The following BLCAP variants were observed in gnomAD, a reference collection of about 807,000 sequenced individuals.
BLCAP encodes the protein BLCAP apoptosis inducing factor, also known as apoptosis inducing factor BLCAP.
In BLCAP, 1 loss-of-function variant was observed where a neutral mutation model predicts 5.7. That is an observed-to-expected ratio of 0.18 (90% CI 0.06 to 0.83). The LOEUF is 0.83. Ranked by LOEUF, BLCAP falls within the 40% of genes least tolerant of loss-of-function variation. BLCAP has a pLI of 0.71. For missense variants in BLCAP, 66 were observed against 107.6 expected (o/e 0.61, Z 1.71); for synonymous variants, 48 against 49.4 (o/e 0.97, Z 0.11).
In BLCAP at chr20:37,521,295, CCT is replaced by C. The variant is rs748343748; in HGVS notation, c.-176-1947_-176-1946del. On this transcript the variant is annotated intron_variant, in intron 1 of 1. Transcript: ENST00000373537. This position sits in a 1 kb window ranked among gnomAD's most constrained non-coding sequence, Gnocchi z 4.5. ...CCGAGACCAGCGGATCTCGGCAAAC[CCT>C]CTTTCTCGACCACCCACCTACCATT... The C allele has an allele frequency of 1.2e-6, 2 of 1,609,224 alleles. No homozygotes were observed. The highest frequency in any genetic ancestry group is 1.1e-5 in the South Asian group (1 of 90,980).
rs2071579819 is a variant in BLCAP at position 37,521,649 on chromosome 20, C to CCGCTGCGGACGAT, written c.-176-2312_-176-2300dup. On this transcript the variant is annotated intron_variant, in intron 1 of 1. Coordinates refer to ENST00000373537, the MANE Select transcript of BLCAP (RefSeq NM_006698.4). This position sits in a 1 kb window ranked among gnomAD's most constrained non-coding sequence, Gnocchi z 4.5. Reference sequence around the variant, plus strand: ...CAAAGACTCGGGGCGCGGCGGGCGACCGCTGCGGACGATCACCCAGGCATT... The same window carrying CCGCTGCGGACGAT: ...CAAAGACTCGGGGCGCGGCGGGCGACCGCTGCGGACGATCGCTGCGGACGATCACCCAGGCATT... The CCGCTGCGGACGAT allele has an allele frequency of 1.9e-6, 1 of 517,928 alleles. No individual in the cohort carries two copies. The allele number at this position is 517,928 out of a possible 1,614,324, so 32.1% of individuals were successfully genotyped here. A position where few individuals can be genotyped will look rare whatever the true frequency, so the allele number is the denominator to read the frequency against.
At chr20:37,527,013 TC>T (rs2071733848) in intron 1 of BLCAP, 1 of 152,184 alleles carries the variant, frequency 6.6e-6, no homozygotes, top group African/African-American at 2.4e-5. Context: ...GCTGTTTCTT[TC>T]CGAGGACAGA....
Position 37,519,242 on chromosome 20 carries a change from C to A in BLCAP, c.-68G>T. 1 of 1,490,802 alleles carries A rather than the reference C, an allele frequency of 6.7e-7. No individual in the cohort carries two copies. Among genetic ancestry groups the A allele is most frequent in the Non-Finnish European group, 9.0e-7 (1 of 1,115,502 alleles). 92.3% of individuals were successfully genotyped at this position (1,490,802 alleles called of 1,614,324 possible). On this transcript the variant is annotated 5_prime_UTR_variant, in exon 2 of 2. Coordinates refer to ENST00000373537, the MANE Select transcript of BLCAP (RefSeq NM_006698.4). ...GCTGCAGGAACCGACCTAATGGGAG[C>A]CAGCGGGCGCAGGCGGCTGCCCTCC... is the stretch of plus-strand genomic sequence containing the variant.
rs182147935 is a variant in BLCAP at position 37,521,191 on chromosome 20, C to T, written c.-176-1841G>A. On this transcript the variant is annotated intron_variant, in intron 1 of 1. Transcript: ENST00000373537. The surrounding 1 kb of genome is among the most constrained non-coding windows in gnomAD (Gnocchi z 4.5). ...CCCTCCTCATAAACACCCCCCAAGG[C>T]GCGCATGCGCACTTAGGTGGCGGGC... 7.3e-4 allele frequency: 578 copies of T among 796,554 alleles called. 3 individuals carry two copies. The highest frequency in any genetic ancestry group is 5.7e-3 in the African/African-American group (336 of 58,910). The allele number at this position is 796,554 out of a possible 1,614,324, so 49.3% of individuals were successfully genotyped here. A position where few individuals can be genotyped will look rare whatever the true frequency, so the allele number is the denominator to read the frequency against.
chr20:37,519,596 TGGGGGATC>T (rs1451132423), intron 1 of BLCAP, among the ~76,000 whole-genome samples: 1 of 152,166 alleles, frequency 6.6e-6, no homozygotes, highest in Non-Finnish European at 1.5e-5. Flanking sequence ...GGGCTTCTCC[TGGGGGATC>T]GGGGAGAGGG....
chr20:37,522,907 G>A, intron 1 of BLCAP: 1 of 629,280 alleles, frequency 1.6e-6, no homozygotes, highest in Non-Finnish European at 2.7e-6. Context: ...GGGGCCAGTA[G>A]ACCCCCGGAG....
intron 1 of BLCAP, 82 bp downstream of exon 1, chr20:37,527,711 G>C (rs1195990513): frequency 6.6e-6 from 1 of 152,344 alleles, no homozygotes; most frequent in Non-Finnish European, 1.5e-5. Flanking sequence ...CGACGCCTAA[G>C]GTGACCCAGA....
chr20:37,523,269 G>A (rs1292077884), intron 1 of BLCAP: 1 of 153,084 alleles, frequency 6.5e-6, no homozygotes, highest in Non-Finnish European at 1.5e-5. Context: ...AAGAAATACA[G>A]TGGGGCCCTC....
At chr20:37,522,824 G>A in intron 1 of BLCAP, 14 of 1,442,768 alleles carry the variant, frequency 9.7e-6, no homozygotes, top group Non-Finnish European at 1.3e-5. Context: ...GGCCAGCACG[G>A]GAGCCAGTGC....
Position 37,522,503 on chromosome 20 carries a change from T to C in BLCAP, c.-176-3153A>G, listed in dbSNP as rs555484475. The stretch of plus-strand genomic sequence containing the variant: ...CAGCTCTCAGCACAGTTGGAAAAGC[T>C]CCAGCTGCCCTGACTCGTGGACAAG... On this transcript the variant is annotated intron_variant, in intron 1 of 1. Transcript: ENST00000373537. 1.3e-5 allele frequency: 20 copies of C among 1,516,386 alleles called. No homozygotes were observed. In the South Asian group the frequency reaches 2.0e-4, roughly 15 times the overall value. 93.9% of individuals were successfully genotyped at this position (1,516,386 alleles called of 1,614,324 possible).
Position 37,519,085 on chromosome 20 carries a change from G to A in BLCAP, c.90C>T (p.Gly30=). The A allele has an allele frequency of 6.2e-7, 1 of 1,614,068 alleles. No individual in the cohort carries two copies. Among genetic ancestry groups the A allele is most frequent in the Non-Finnish European group, 8.5e-7 (1 of 1,179,994 alleles). Residue 30 remains glycine, a synonymous_variant, in exon 2 of 2, where the codon GGC becomes GGT. Transcript: ENST00000373537. ...CCAGGAGGAAGCTGAGCAGGTAGAA[G>A]CCCATGAACATGGAGTGGCTGAACC... ...ALWFSHSMFM[G]FYLLSFLLER...
Position 37,521,213 on chromosome 20 carries a change from G to A in BLCAP, c.-176-1863C>T, listed in dbSNP as rs2071555058. The A allele has an allele frequency of 1.0e-6, 1 of 997,728 alleles. No homozygotes were observed. The highest frequency in any genetic ancestry group is 1.6e-6 in the Non-Finnish European group (1 of 632,434). 61.8% of individuals were successfully genotyped at this position (997,728 alleles called of 1,614,324 possible). On this transcript the variant is annotated intron_variant, in intron 1 of 1. Coordinates refer to ENST00000373537, the MANE Select transcript of BLCAP (RefSeq NM_006698.4). This position sits in a 1 kb window ranked among gnomAD's most constrained non-coding sequence, Gnocchi z 4.5. ...AGGCGCGCATGCGCACTTAGGTGGC[G>A]GGCGGGTACTTAAGGCGCGGCCACC...
chr20:37,522,615 A>C, intron 1 of BLCAP: 1 of 1,522,584 alleles, frequency 6.6e-7, no homozygotes, highest in South Asian at 1.2e-5. Context: ...AGCACCACAG[A>C]CATGCTGTGG....
At chr20:37,524,768 C>T (rs760135799) in intron 1 of BLCAP, among the ~76,000 whole-genome samples, 10 of 152,176 alleles carry the variant, frequency 6.6e-5, no homozygotes, top group Non-Finnish European at 1.3e-4. Context: ...CCTCTAAAGG[C>T]ATCTAAAACT....
At chr20:37,526,587 T>C (rs1032363515) in intron 1 of BLCAP, 2 of 151,832 alleles carry the variant, frequency 1.3e-5, no homozygotes, top group Admixed American at 1.3e-4. Flanking sequence ...TGAAATGGAA[T>C]GCATGTGTTT....
chr20:37,518,818 G>C lies in BLCAP; in HGVS notation c.*93C>G. 6.6e-6 allele frequency: 10 copies of C among 1,512,092 alleles called. No homozygotes were observed. Among genetic ancestry groups the C allele is most frequent in the Non-Finnish European group, 8.9e-6 (10 of 1,125,622 alleles). The allele number at this position is 1,512,092 out of a possible 1,614,324, so 93.7% of individuals were successfully genotyped here. On this transcript the variant is annotated 3_prime_UTR_variant, in exon 2 of 2. Coordinates refer to ENST00000373537, the MANE Select transcript of BLCAP (RefSeq NM_006698.4). ...GCCGTCAGGAATGTGACACCCGCGAGGCTGCGGGATTTGAAACTCCAATGC... is the reference window on the plus strand; with the variant it reads ...GCCGTCAGGAATGTGACACCCGCGACGCTGCGGGATTTGAAACTCCAATGC...
Position 37,518,748 on chromosome 20 carries a change from C to T in BLCAP, c.*163G>A. On this transcript the variant is annotated 3_prime_UTR_variant, in exon 2 of 2. Transcript: ENST00000373537. ...TTTACAATAAAAGCACCGGTCAGTG[C>T]CATTATTCACATTGTAAGGATAAAA... The T allele has an allele frequency of 3.0e-6, 3 of 993,370 alleles. No individual in the cohort carries two copies. Among genetic ancestry groups the T allele is most frequent in the Non-Finnish European group, 4.4e-6 (3 of 681,582 alleles). 61.5% of individuals were successfully genotyped at this position (993,370 alleles called of 1,614,324 possible). A position where few individuals can be genotyped will look rare whatever the true frequency, so the allele number is the denominator to read the frequency against.
chr20:37,525,674 G>A (rs1295673575), intron 1 of BLCAP, among the ~76,000 whole-genome samples: 6 of 152,234 alleles, frequency 3.9e-5, no homozygotes. Flanking sequence ...GCAATGCCAT[G>A]CAATGCCTAG....
Position 37,519,184 on chromosome 20 carries a change from C to G in BLCAP, c.-10G>C, listed in dbSNP as rs766354032. 3 of 1,568,148 alleles carry G rather than the reference C, an allele frequency of 1.9e-6. No homozygotes were observed. The African/African-American group carries it at 4.1e-5, about 21-fold the overall frequency. ...ACTGGAGGCAATACATGATCTCTGC[C>G]GGGCAGGGCCTTCACCAAGGCTGCC... On this transcript the variant is annotated 5_prime_UTR_variant, in exon 2 of 2. Transcript: ENST00000373537.
Sources: gnomAD v4.1 joint callset for allele counts (sites outside exome capture counted in the v4.1 genomes callset) on GRCh38, gnomAD v4.1.1 for gene constraint, Gnocchi (gnomAD v3.1) non-coding constraint, MANE v1.5 for transcripts, NCBI Gene and HGNC (gene_info 2026-07-23, HGNC 2026-07-21) for gene names.